MAF: variants seen among roughly 807,000 people sequenced by gnomAD.
MAF encodes MAF bZIP transcription factor.
In MAF, 10 loss-of-function variants were observed where a neutral mutation model predicts 22.0. The ratio of observed to expected loss-of-function variants is 0.45; its 90% CI spans 0.28 to 0.77. MAF has a LOEUF of 0.77. Ranked by LOEUF, MAF falls within the 30% of genes least tolerant of loss-of-function variation. MAF has a pLI of 0.12. For missense variants in MAF, 544 were observed against 548.4 expected (o/e 0.99, Z 0.08); for synonymous variants, 337 against 255.8 (o/e 1.32, Z -3.03).
chr16:79,270,016 G>T, the MAF span, among the ~76,000 whole-genome samples: 1 of 152,028 alleles, frequency 6.6e-6, no homozygotes, highest in African/African-American at 2.4e-5. Context: ...GCTCTGAAGG[G>T]CTTATGGGTT....
chr16:79,406,482 G>C, the MAF span, among the ~76,000 whole-genome samples: 1 of 152,160 alleles, frequency 6.6e-6, no homozygotes, highest in African/African-American at 2.4e-5. Flanking sequence ...TCCGGGTTCA[G>C]GTTCATAGAT....
chr16:79,457,225 T>C, the MAF span, among the ~76,000 whole-genome samples: 1 of 152,154 alleles, frequency 6.6e-6, no homozygotes, highest in Non-Finnish European at 1.5e-5. Context: ...CAGGTGTCAC[T>C]TGCAATTTTC....
the MAF span, among the ~76,000 whole-genome samples, chr16:79,344,450 C>G: frequency 1.3e-5 from 2 of 152,150 alleles, no homozygotes; most frequent in African/African-American, 4.8e-5. Flanking sequence ...TGGAAGAGGG[C>G]GCTCTTAATA....
the MAF span, among the ~76,000 whole-genome samples, chr16:79,540,715 G>T: frequency 1.3e-5 from 2 of 152,196 alleles, no homozygotes; most frequent in African/African-American, 4.8e-5. Flanking sequence ...CGAATTTTGC[G>T]TGGCACAGGC....
chr16:79,463,007 G>A, the MAF span, among the ~76,000 whole-genome samples: 1 of 152,170 alleles, frequency 6.6e-6, no homozygotes, highest in Non-Finnish European at 1.5e-5. Context: ...CTCAGAGAAG[G>A]CCCACTCTAG....
At chr16:79,401,753 G>C in the MAF span, among the ~76,000 whole-genome samples, 1 of 152,304 alleles carries the variant, frequency 6.6e-6, no homozygotes, top group East Asian at 1.9e-4. Flanking sequence ...AAAGCAATTA[G>C]TGGCTATCAT....
chr16:79,489,768 G>C, the MAF span, among the ~76,000 whole-genome samples: 1 of 152,352 alleles, frequency 6.6e-6, no homozygotes, highest in Non-Finnish European at 1.5e-5. Flanking sequence ...TCTGACAAAA[G>C]TCCTTGTGGT....
At chr16:79,550,179 T>G in the MAF span, among the ~76,000 whole-genome samples, 11 of 152,264 alleles carry the variant, frequency 7.2e-5, no homozygotes, top group Non-Finnish European at 1.6e-4. Context: ...ATAACCCCCC[T>G]GGCTTGATGA....
chr16:79,552,406 G>T, the MAF span, among the ~76,000 whole-genome samples: 1 of 151,996 alleles, frequency 6.6e-6, no homozygotes, highest in Non-Finnish European at 1.5e-5. Context: ...ATGAGATCTT[G>T]CTATATTGCC....
chr16:79,363,437 C>T, the MAF span, among the ~76,000 whole-genome samples: 1 of 152,206 alleles, frequency 6.6e-6, no homozygotes, highest in African/African-American at 2.4e-5. Context: ...TGGGCAAAAT[C>T]ATCTAACACA....
the MAF span, among the ~76,000 whole-genome samples, chr16:79,485,387 G>A: frequency 6.6e-6 from 1 of 152,140 alleles, no homozygotes; most frequent in Admixed American, 6.5e-5. Flanking sequence ...CATTTGTTGT[G>A]ATTTTATGAC....
chr16:79,378,372 G>A, the MAF span, among the ~76,000 whole-genome samples: 2 of 152,102 alleles, frequency 1.3e-5, no homozygotes, highest in African/African-American at 4.8e-5. Flanking sequence ...ATAGAAAAAA[G>A]TCATTCATTT....
At chr16:79,287,013 C>G in the MAF span, among the ~76,000 whole-genome samples, 1 of 152,224 alleles carries the variant, frequency 6.6e-6, no homozygotes, top group African/African-American at 2.4e-5. Flanking sequence ...AAGTGAGCGT[C>G]CCCTTCGCGT....
At chr16:79,570,610 C>T in the MAF span, among the ~76,000 whole-genome samples, 17,250 of 152,218 alleles carry the variant, frequency 0.11, 1,104 homozygotes, top group African/African-American at 0.16. Flanking sequence ...CAATGGTGTG[C>T]CGCTAGGTGT....
chr16:79,550,586 T>G, the MAF span, among the ~76,000 whole-genome samples: 1 of 151,902 alleles, frequency 6.6e-6, no homozygotes, highest in East Asian at 1.9e-4. Context: ...GGAGAGAAAA[T>G]GAAGTCAAGG....
the MAF span, among the ~76,000 whole-genome samples, chr16:79,266,481 A>G: frequency 6.6e-6 from 1 of 152,214 alleles, no homozygotes; most frequent in South Asian, 2.1e-4. Flanking sequence ...AAAGTCAGAA[A>G]GATGGAAAGA....
At chr16:79,502,708 A>ATACATATAT in the MAF span, among the ~76,000 whole-genome samples, 1,063 of 33,794 alleles carry the variant, frequency 0.031, 142 homozygotes, top group Non-Finnish European at 0.049. Context: ...TATAAATATA[A>ATACATATAT]ATATATATAT....
At chr16:79,547,904 G>GAGAC in the MAF span, among the ~76,000 whole-genome samples, 1 of 134,992 alleles carries the variant, frequency 7.4e-6, no homozygotes, top group African/African-American at 2.7e-5. Flanking sequence ...GTGTGTGTGA[G>GAGAC]AGAGAGAGAG....
At chr16:79,324,819 A>T in the MAF span, among the ~76,000 whole-genome samples, 1 of 152,178 alleles carries the variant, frequency 6.6e-6, no homozygotes, top group Non-Finnish European at 1.5e-5. Flanking sequence ...AAAACAACAC[A>T]AATCTATTCT....
Sources: gnomAD v4.1 joint callset for allele counts (sites outside exome capture counted in the v4.1 genomes callset) on GRCh38, gnomAD v4.1.1 for gene constraint, MANE v1.5 for transcripts, NCBI Gene and HGNC (gene_info 2026-07-23, HGNC 2026-07-21) for gene names.